The following ARHGAP42 variants were observed in gnomAD, a reference collection of about 807,000 sequenced individuals.
ARHGAP42 encodes the protein rho GTPase-activating protein 42.
A neutral mutation model predicts 125.0 loss-of-function variants in ARHGAP42; 63 were observed. That is an observed-to-expected ratio of 0.50 (90% CI 0.41 to 0.62). The LOEUF is 0.62. ARHGAP42 is among the 20% of genes least tolerant of loss of function. The probability of loss-of-function intolerance (pLI) is 0.00; values close to 1 mark genes in which losing one functional copy is unlikely to be tolerated. For missense variants in ARHGAP42, 766 were observed against 1,024.2 expected (o/e 0.75, Z 3.44); for synonymous variants, 339 against 351.0 (o/e 0.97, Z 0.38).
At chr11:100,893,984 A>G (rs1866283423) in intron 4 of ARHGAP42, among the ~76,000 whole-genome samples, 1 of 152,192 alleles carries the variant, frequency 6.6e-6, no homozygotes, top group Non-Finnish European at 1.5e-5. Flanking sequence ...CTGAGAATCA[A>G]TCTCACATTT....
At chr11:100,848,506 C>CT (rs1022513274) in intron 3 of ARHGAP42, among the ~76,000 whole-genome samples, 111 of 144,538 alleles carry the variant, frequency 7.7e-4, no homozygotes, top group Non-Finnish European at 9.5e-4. Context: ...TTCTTTCTTT[C>CT]TTTTTTTTTT....
rs147578068 is a variant in ARHGAP42, at chr11:100,829,825, G to A, written c.313-29729G>A. Among the ~76,000 whole-genome samples the A allele has an allele frequency of 9.2e-5, 14 of 152,144 alleles. No homozygotes were observed. The East Asian group carries it at 1.4e-3, about 15-fold the overall frequency. On this transcript the variant is annotated intron_variant, in intron 3 of 23. Coordinates refer to ENST00000298815, the MANE Select transcript of ARHGAP42 (RefSeq NM_152432.4). ...GATTATAAATCACATGAGCAAAATC[G>A]GCTAGTTCTTTACTCTGAAGTTTAT...
chr11:100,825,900 C>G (rs531877060), intron 3 of ARHGAP42, among the ~76,000 whole-genome samples: 5 of 152,256 alleles, frequency 3.3e-5, no homozygotes, highest in East Asian at 1.9e-4. Flanking sequence ...CTAGAAAGCT[C>G]TGTACATAAT....
chr11:100,741,955 C>T (rs371702825), intron 1 of ARHGAP42, among the ~76,000 whole-genome samples: 4 of 152,050 alleles, frequency 2.6e-5, no homozygotes, highest in East Asian at 1.9e-4. Context: ...TTTAGTTTTT[C>T]GGCTTTTTCA....
chr11:100,901,096 A>G (rs1355647793), intron 4 of ARHGAP42, among the ~76,000 whole-genome samples: 1 of 151,806 alleles, frequency 6.6e-6, no homozygotes, highest in Non-Finnish European at 1.5e-5. Context: ...CTTTTTGTTG[A>G]TGTTGATGCT....
At chr11:100,960,753 T>C (rs1248374455) in intron 13 of ARHGAP42, among the ~76,000 whole-genome samples, 162 bp from the exon 14 acceptor site, 1 of 152,172 alleles carries the variant, frequency 6.6e-6, no homozygotes, top group Non-Finnish European at 1.5e-5. Context: ...CTCTGAGAAA[T>C]AGAAGTCTGA....
At chr11:100,797,253 G>A (rs993361936) in intron 3 of ARHGAP42, among the ~76,000 whole-genome samples, 2 of 152,232 alleles carry the variant, frequency 1.3e-5, no homozygotes, top group Non-Finnish European at 2.9e-5. Context: ...ATCTGGCTGA[G>A]ATCGTAGATG....
intron 3 of ARHGAP42, among the ~76,000 whole-genome samples, chr11:100,797,257 G>A (rs535883487): frequency 7.9e-5 from 12 of 152,338 alleles, no homozygotes; most frequent in East Asian, 5.8e-4. Flanking sequence ...GGCTGAGATC[G>A]TAGATGAAGG....
At chr11:100,720,043 A>T (rs769495457) in intron 1 of ARHGAP42, among the ~76,000 whole-genome samples, 1 of 152,110 alleles carries the variant, frequency 6.6e-6, no homozygotes, top group Non-Finnish European at 1.5e-5. Context: ...AGCTTTTACC[A>T]TTGTTGCTTT....
intron 3 of ARHGAP42, among the ~76,000 whole-genome samples, chr11:100,835,762 G>GTA (rs200710095): frequency 3.7e-4 from 56 of 149,528 alleles, no homozygotes; most frequent in Admixed American, 1.7e-3. Context: ...TGGTATATAT[G>GTA]TATATATATA....
At chr11:100,932,549 C>CT (rs1338286032) in intron 6 of ARHGAP42, among the ~76,000 whole-genome samples, 1 of 152,080 alleles carries the variant, frequency 6.6e-6, no homozygotes, top group Non-Finnish European at 1.5e-5. Flanking sequence ...GAAATTATGA[C>CT]TTTGTAAAGA....
chr11:100,783,323 C>G (rs1565212404), intron 2 of ARHGAP42, among the ~76,000 whole-genome samples: 1 of 152,184 alleles, frequency 6.6e-6, no homozygotes, highest in Admixed American at 6.5e-5. Flanking sequence ...GTAGTCCCAG[C>G]TACTTGAGAG....
rs1297473406 is a variant in ARHGAP42 at position 100,989,831 on chromosome 11, A to G, written c.*1030A>G. On this transcript the variant is annotated 3_prime_UTR_variant, in exon 24 of 24. Coordinates refer to ENST00000298815, the MANE Select transcript of ARHGAP42 (RefSeq NM_152432.4). ...AATGAAAAAGATGTTTAAAAACGTT[A>G]CAAGGGAAGCTATGCCTTCTGAAGT... 6.6e-6 allele frequency: 1 copy of G among 152,224 alleles called. No individual in the cohort carries two copies. Among genetic ancestry groups the G allele is most frequent in the African/African-American group, 2.4e-5 (1 of 41,472 alleles). 9.4% of individuals were successfully genotyped at this position (152,224 alleles called of 1,614,324 possible).
At chr11:100,838,082 T>G (rs1265394645) in intron 3 of ARHGAP42, among the ~76,000 whole-genome samples, 1 of 151,904 alleles carries the variant, frequency 6.6e-6, no homozygotes, top group African/African-American at 2.4e-5. Context: ...TGTTTGTTTT[T>G]GTTTGTTTGT....
intron 3 of ARHGAP42, among the ~76,000 whole-genome samples, chr11:100,844,134 A>G (rs1290649320): frequency 6.6e-6 from 1 of 152,162 alleles, no homozygotes; most frequent in Non-Finnish European, 1.5e-5. Context: ...GAGAACCCAG[A>G]AATAGAGCCA....
At chr11:100,980,595 A>G (rs1165967386) in intron 22 of ARHGAP42, among the ~76,000 whole-genome samples, 3 of 29,332 alleles carry the variant, frequency 1.0e-4, no homozygotes, top group African/African-American at 2.4e-4. Flanking sequence ...TTTTTGAGAA[A>G]GAGCCTCGCT....
At chr11:100,849,620 A>G (rs1456811440) in intron 3 of ARHGAP42, among the ~76,000 whole-genome samples, 1 of 152,018 alleles carries the variant, frequency 6.6e-6, no homozygotes, top group Non-Finnish European at 1.5e-5. Context: ...CTGTGATTAA[A>G]TTTGCTGGCT....
intron 2 of ARHGAP42, among the ~76,000 whole-genome samples, chr11:100,776,938 GC>G (rs2135000738): frequency 6.9e-6 from 1 of 144,950 alleles, no homozygotes; most frequent in Non-Finnish European, 1.5e-5. Flanking sequence ...AACTCAGATT[GC>G]ACCACTGCAC....
intron 1 of ARHGAP42, among the ~76,000 whole-genome samples, chr11:100,730,035 T>C (rs992078829): frequency 3.9e-5 from 6 of 152,048 alleles, no homozygotes; most frequent in African/African-American, 1.4e-4. Context: ...GGTGTCAAAC[T>C]CCTGACTTTG....
Sources: allele counts gnomAD v4.1 joint callset (sites outside exome capture counted in the v4.1 genomes callset), GRCh38; gene constraint gnomAD v4.1.1; transcripts MANE v1.5; gene names NCBI Gene and HGNC (gene_info 2026-07-23, HGNC 2026-07-21).